NUP98: variants seen among roughly 807,000 people sequenced by gnomAD.
NUP98 encodes the protein nucleoporin 98 and 96 precursor, also known as nuclear pore complex protein Nup98-Nup96.
A neutral mutation model predicts 191.9 loss-of-function variants in NUP98; 26 were observed. That is an observed-to-expected ratio of 0.14 (90% CI 0.10 to 0.19). The LOEUF is 0.19. Ranked by LOEUF, NUP98 falls within the 10% of genes least tolerant of loss-of-function variation. The pLI, the probability that NUP98 is intolerant of heterozygous loss-of-function variation, is 1.00. For synonymous variants in NUP98, 808 were observed against 778.4 expected (o/e 1.04, Z -0.63); for missense variants, 1,941 against 2,178.8 (o/e 0.89, Z 2.17).
intron 1 of NUP98, among the ~76,000 whole-genome samples, chr11:3,787,578 A>G (rs1250745884): frequency 6.6e-6 from 1 of 151,694 alleles, no homozygotes; most frequent in East Asian, 1.9e-4. Context: ...GTCTCAAACA[A>G]AAAAAAAGAA....
At chr11:3,707,738 CAA>C (rs560101220) in intron 20 of NUP98, among the ~76,000 whole-genome samples, 5 of 48,558 alleles carry the variant, frequency 1.0e-4, no homozygotes, top group South Asian at 1.3e-3. Flanking sequence ...GACTCTGTCT[CAA>C]AAAAAAAAAA....
chr11:3,791,020 CGAGTAACTG>C (rs1056613538), intron 1 of NUP98, among the ~76,000 whole-genome samples: 2 of 151,736 alleles, frequency 1.3e-5, no homozygotes, highest in African/African-American at 4.8e-5. Flanking sequence ...GTCAGCCTTC[CGAGTAACTG>C]GGATTACAGG....
Position 3,679,489 on chromosome 11 carries a change from G to A in NUP98, c.5073+65C>T, listed in dbSNP as rs376027263. ...TCAAGTGTATACTAAGGCCTTGTGA[G>A]GTATCTGAAGATTTAAGGGCCTGAG... On this transcript the variant is annotated intron_variant, in intron 31 of 32. Transcript: ENST00000324932. The A allele has an allele frequency of 1.4e-5, 22 of 1,561,232 alleles. No individual in the cohort carries two copies. The African/African-American group carries it at 1.5e-4, about 11-fold the overall frequency.
intron 10 of NUP98, among the ~76,000 whole-genome samples, chr11:3,754,804 T>A (rs1053605246): frequency 2.0e-5 from 3 of 151,932 alleles, no homozygotes. Flanking sequence ...TAGCTGGGTG[T>A]GGTGGTGCAC....
chr11:3,717,959 C>A (rs370477227), intron 18 of NUP98, among the ~76,000 whole-genome samples: 1 of 152,110 alleles, frequency 6.6e-6, no homozygotes, highest in South Asian at 2.1e-4. Flanking sequence ...CCTTTCAATA[C>A]GCTGTTAAAT....
At chr11:3,715,659 G>A (rs1340628360) in intron 18 of NUP98, among the ~76,000 whole-genome samples, 1 of 152,134 alleles carries the variant, frequency 6.6e-6, no homozygotes, top group African/African-American at 2.4e-5. Flanking sequence ...CATGATCACA[G>A]CTCACTGTAA....
chr11:3,779,303 TACGTAAGATG>T (rs774752546), intron 2 of NUP98, 46 bp from the exon 3 acceptor site: 2 of 1,398,792 alleles, frequency 1.4e-6, no homozygotes, highest in Admixed American at 3.4e-5. Context: ...GAATAAAATC[TACGTAAGATG>T]ACCAAATGAA....
At chr11:3,729,110 T>C (rs1489383604) in intron 14 of NUP98, among the ~76,000 whole-genome samples, 5 of 152,140 alleles carry the variant, frequency 3.3e-5, no homozygotes, top group African/African-American at 1.2e-4. Context: ...CAAGAATCTT[T>C]AGTTTGGTAA....
chr11:3,759,873 A>G (rs1413745472), intron 10 of NUP98, among the ~76,000 whole-genome samples: 1 of 151,942 alleles, frequency 6.6e-6, no homozygotes, highest in Non-Finnish European at 1.5e-5. Context: ...TACTTTCACT[A>G]TGTTGCCTAG....
intron 12 of NUP98, among the ~76,000 whole-genome samples, chr11:3,741,128 T>G (rs1390103661): frequency 6.6e-6 from 1 of 151,772 alleles, no homozygotes; most frequent in Non-Finnish European, 1.5e-5. Context: ...AGCCTATTTT[T>G]AATCTTAAAT....
chr11:3,727,246 G>A (rs1171380048), intron 14 of NUP98, among the ~76,000 whole-genome samples: 2 of 152,032 alleles, frequency 1.3e-5, no homozygotes, highest in Non-Finnish European at 2.9e-5. Context: ...GGCTGAGCAG[G>A]ATCACTTAAG....
intron 24 of NUP98, among the ~76,000 whole-genome samples, chr11:3,699,944 T>C (rs2078625280): frequency 6.6e-6 from 1 of 152,090 alleles, no homozygotes; most frequent in African/African-American, 2.4e-5. Context: ...CAGAAAAACA[T>C]GGTCATGATA....
chr11:3,706,796 C>T (rs1255358591), intron 20 of NUP98, among the ~76,000 whole-genome samples, 169 bp from the exon 21 acceptor site: 1 of 152,080 alleles, frequency 6.6e-6, no homozygotes, highest in Non-Finnish European at 1.5e-5. Context: ...AATCAATTAC[C>T]CCAAGATAAA....
Position 3,779,053 on chromosome 11 carries a change from AGGAGAT to A in NUP98, c.179-10_179-5del. ...GAACTGGTTCCAAACAATCCTCCTG[AGGAGAT>A]GGAGAAGGAGGGAAAAAGTTAAGTA... On this transcript the variant is annotated splice_region_variant and splice_polypyrimidine_tract_variant and intron_variant, in intron 3 of 32. Transcript: ENST00000324932. The A allele has an allele frequency of 6.2e-7, 1 of 1,614,152 alleles. No individual in the cohort carries two copies. The highest frequency in any genetic ancestry group is 8.5e-7 in the Non-Finnish European group (1 of 1,180,002).
chr11:3,784,585 CAA>C (rs764056338), intron 1 of NUP98, among the ~76,000 whole-genome samples: 2 of 139,142 alleles, frequency 1.4e-5, no homozygotes, highest in African/African-American at 2.6e-5. Context: ...CTATTAAAAA[CAA>C]AAAAAAAACA....
At chr11:3,781,076 C>T (rs1348586261) in intron 2 of NUP98, among the ~76,000 whole-genome samples, 1 of 149,788 alleles carries the variant, frequency 6.7e-6, no homozygotes, top group Non-Finnish European at 1.5e-5. Context: ...GTCCTAGCTA[C>T]TTAGGAGGCT....
chr11:3,753,595 T>TA (rs1234692538), intron 10 of NUP98, among the ~76,000 whole-genome samples, 187 bp from the exon 11 acceptor site: 5 of 151,866 alleles, frequency 3.3e-5, no homozygotes, highest in African/African-American at 1.2e-4. Context: ...CATATTTACT[T>TA]AATTACATTT....
chr11:3,705,268 G>T lies in NUP98; in HGVS notation c.3014C>A (p.Thr1005Asn). The T allele has an allele frequency of 6.2e-7, 1 of 1,614,174 alleles. No individual in the cohort carries two copies. ...TCTGGGAGAACAGATTTCTTGAGAAGTATCTGCTTTGGAAGGCAGGCGACT... is the reference window on the plus strand; with the variant it reads ...TCTGGGAGAACAGATTTCTTGAGAATTATCTGCTTTGGAAGGCAGGCGACT... ...RFSRLPSKAD[T>N]SQEICSPRLP... is the part of the protein sequence containing the mutation. Residue 1005 changes from threonine to asparagine, a missense_variant, in exon 22 of 33, where the codon ACT (threonine) becomes AAT (asparagine). Transcript: ENST00000324932.
intron 11 of NUP98, among the ~76,000 whole-genome samples, chr11:3,746,269 CAAAAA>C (rs66773761): frequency 5.9e-5 from 2 of 33,922 alleles, no homozygotes; most frequent in Non-Finnish European, 1.1e-4. Flanking sequence ...AACTTTATCT[CAAAAA>C]AAAAAAAAAA....
Sources: gnomAD v4.1 joint callset for allele counts (sites outside exome capture counted in the v4.1 genomes callset) on GRCh38, gnomAD v4.1.1 for gene constraint, MANE v1.5 for transcripts, NCBI Gene and HGNC (gene_info 2026-07-23, HGNC 2026-07-21) for gene names.